Variants in C10orf143 observed in about 807,000 individuals in gnomAD.
C10orf143 encodes chromosome 10 open reading frame 143.
chr10:130,070,033 T>C (rs750035041), intron 3 of C10orf143, among the ~76,000 whole-genome samples: 2 of 152,184 alleles, frequency 1.3e-5, no homozygotes, highest in Non-Finnish European at 2.9e-5. Flanking sequence ...TTTAAATATA[T>C]ATCATGAATG....
chr10:130,042,745 G>A (rs192017767), intron 3 of C10orf143, among the ~76,000 whole-genome samples: 23 of 152,216 alleles, frequency 1.5e-4, no homozygotes, highest in Non-Finnish European at 2.6e-4. Flanking sequence ...GCCTATATTC[G>A]TATAGCCAGT....
chr10:130,079,418 GA>G (rs1861169232), intron 3 of C10orf143, 147 bp downstream of exon 3: 7 of 396,568 alleles, frequency 1.8e-5, no homozygotes, highest in Non-Finnish European at 3.1e-5. Flanking sequence ...AGAATGCTAA[GA>G]AAAGCTTAAA....
At chr10:130,106,881 C>G (rs756093968) in intron 1 of C10orf143, 6 of 1,083,532 alleles carry the variant, frequency 5.5e-6, no homozygotes, top group Non-Finnish European at 8.6e-6. Flanking sequence ...GATTGGGCTG[C>G]TAGGCTTAGA....
intron 1 of C10orf143, chr10:130,108,094 A>C (rs768462651): frequency 7.9e-6 from 12 of 1,517,514 alleles, no homozygotes; most frequent in Non-Finnish European, 1.1e-5. Flanking sequence ...CTGAAAATGC[A>C]GCAACTGGCC....
intron 1 of C10orf143, among the ~76,000 whole-genome samples, chr10:130,093,387 C>T (rs553419123): frequency 2.6e-5 from 4 of 152,188 alleles, no homozygotes; most frequent in African/African-American, 9.6e-5. Context: ...ACACAATGTA[C>T]CAGAATCTCT....
chr10:130,083,317 G>A (rs767663028), intron 1 of C10orf143, among the ~76,000 whole-genome samples: 1 of 152,224 alleles, frequency 6.6e-6, no homozygotes, highest in Non-Finnish European at 1.5e-5. Context: ...CTCCTGCTTT[G>A]CTGGTGAGAA....
chr10:130,074,259 A>C (rs1861079001), intron 3 of C10orf143, among the ~76,000 whole-genome samples: 1 of 152,166 alleles, frequency 6.6e-6, no homozygotes, highest in Non-Finnish European at 1.5e-5. Flanking sequence ...TGGGGACCTC[A>C]CTTTCCTTAT....
At chr10:130,072,722 TCA>T (rs1861053719) in intron 3 of C10orf143, among the ~76,000 whole-genome samples, 1 of 152,174 alleles carries the variant, frequency 6.6e-6, no homozygotes, top group Non-Finnish European at 1.5e-5. Context: ...ATAAAGTGAG[TCA>T]CACAAATTTT....
intron 3 of C10orf143, among the ~76,000 whole-genome samples, chr10:130,072,887 T>C (rs1160315279): frequency 2.0e-5 from 3 of 152,252 alleles, no homozygotes; most frequent in Non-Finnish European, 2.9e-5. Context: ...GATGAGGATA[T>C]GCTTTTGGGA....
intron 3 of C10orf143, among the ~76,000 whole-genome samples, chr10:130,073,139 G>A (rs549986417): frequency 4.3e-4 from 66 of 152,232 alleles, no homozygotes; most frequent in African/African-American, 1.6e-3. Flanking sequence ...TTTTTCTAGT[G>A]TGATCTTATC....
chr10:130,044,906 C>A (rs940308045), intron 3 of C10orf143, among the ~76,000 whole-genome samples: 25 of 152,132 alleles, frequency 1.6e-4, no homozygotes, highest in Non-Finnish European at 2.9e-4. Flanking sequence ...CATAGGTGTG[C>A]GGATTGCAAG....
intron 1 of C10orf143, among the ~76,000 whole-genome samples, chr10:130,093,335 AGG>A (rs1290608490): frequency 1.3e-5 from 2 of 152,236 alleles, no homozygotes; most frequent in Admixed American, 6.5e-5. Context: ...AACGAAATTA[AGG>A]CAGAAATAAA....
At chr10:130,106,104 GCAGGGTTGTGGCAGCGCTGCC>G in intron 1 of C10orf143, 1 of 640,850 alleles carries the variant, frequency 1.6e-6, no homozygotes. Flanking sequence ...GGGGAGCCAC[GCAGGGTTGTGGCAGCGCTGCC>G]TGAAAGTATG....
chr10:130,060,568 A>T (rs1030476406), downstream of C10orf143, among the ~76,000 whole-genome samples: 1 of 152,232 alleles, frequency 6.6e-6, no homozygotes, highest in African/African-American at 2.4e-5. Flanking sequence ...TCACGCCTGT[A>T]ATCCCAGCAC....
intron 3 of C10orf143, among the ~76,000 whole-genome samples, chr10:130,078,624 G>T (rs992475104): frequency 2.0e-5 from 3 of 152,134 alleles, no homozygotes; most frequent in African/African-American, 7.2e-5. Flanking sequence ...TTTCCTATTT[G>T]TCTAAGGACT....
intron 3 of C10orf143, among the ~76,000 whole-genome samples, chr10:130,050,721 T>C (rs993046478): frequency 4.6e-5 from 7 of 152,216 alleles, no homozygotes; most frequent in African/African-American, 1.7e-4. Flanking sequence ...ATGCATTCTC[T>C]CTCAGATGCT....
intron 3 of C10orf143, among the ~76,000 whole-genome samples, chr10:130,044,944 C>G (rs1860649140): frequency 6.6e-6 from 1 of 152,168 alleles, no homozygotes; most frequent in Non-Finnish European, 1.5e-5. Flanking sequence ...GAGGTGAAGA[C>G]CTAGGCTGGA....
At chr10:130,084,410 G>A (rs1026806992) in intron 1 of C10orf143, among the ~76,000 whole-genome samples, 2 of 152,184 alleles carry the variant, frequency 1.3e-5, no homozygotes, top group African/African-American at 4.8e-5. Flanking sequence ...GCTAGTAAAT[G>A]TGTTTATTAC....
Position 130,108,394 on chromosome 10 carries a change from G to A in C10orf143, c.69+2310C>T, listed in dbSNP as rs773120686. ...AAGGTAGAAGTGAGTTCCCTTCAGG[G>A]CTGATTCCGCCTTCAAATGAGCCTG... On this transcript the variant is annotated intron_variant, in intron 1 of 3. Coordinates refer to ENST00000637128, the MANE Select transcript of C10orf143 (RefSeq NM_001355042.2). 6 of 996,624 alleles carry A rather than the reference G, an allele frequency of 6.0e-6. No homozygotes were observed. In the South Asian group the frequency reaches 6.4e-5, roughly 11 times the overall value. The allele number at this position is 996,624 out of a possible 1,614,324, so 61.7% of individuals were successfully genotyped here.
Sources: gnomAD v4.1 joint callset for allele counts (sites outside exome capture counted in the v4.1 genomes callset) on GRCh38, gnomAD v4.1.1 for gene constraint, MANE v1.5 for transcripts, NCBI Gene and HGNC (gene_info 2026-07-23, HGNC 2026-07-21) for gene names.